LARGE1: variants seen among roughly 807,000 people sequenced by gnomAD.
LARGE1 encodes the protein xylosyl- and glucuronyltransferase LARGE1.
In LARGE1, 43 loss-of-function variants were observed where a neutral mutation model predicts 87.6. The observed-to-expected ratio is 0.49, with a 90% CI of 0.38 to 0.63. LARGE1 has a LOEUF of 0.63. Among genes scored for constraint, LARGE1 ranks in the 30% least tolerant of loss-of-function variants. The probability of loss-of-function intolerance (pLI) is 0.00; values close to 1 mark genes in which losing one functional copy is unlikely to be tolerated. For synonymous variants in LARGE1, 434 were observed against 394.6 expected (o/e 1.10, Z -1.18); for missense variants, 802 against 1,000.2 (o/e 0.80, Z 2.67).
At chr22:33,855,984 C>A (rs2063744418) in intron 1 of LARGE1, among the ~76,000 whole-genome samples, 1 of 152,142 alleles carries the variant, frequency 6.6e-6, no homozygotes, top group Non-Finnish European at 1.5e-5. Context: ...CAAGTCTTGG[C>A]ATCCTGAGAC....
At chr22:33,690,698 G>C (rs534722537) in intron 2 of LARGE1, among the ~76,000 whole-genome samples, 1 of 149,592 alleles carries the variant, frequency 6.7e-6, no homozygotes, top group Non-Finnish European at 1.5e-5. Flanking sequence ...AATGGTAAGA[G>C]AAATCCCGAG....
chr22:33,276,477 T>G (rs184441684), intron 14 of LARGE1, among the ~76,000 whole-genome samples: 9 of 152,344 alleles, frequency 5.9e-5, no homozygotes, highest in Middle Eastern at 3.4e-3. Context: ...TACTATCTGG[T>G]CCTTTACAGA....
chr22:33,363,961 A>G (rs908518508), intron 9 of LARGE1, among the ~76,000 whole-genome samples: 3 of 149,580 alleles, frequency 2.0e-5, no homozygotes, highest in Non-Finnish European at 4.5e-5. Flanking sequence ...GTGCCTGGAC[A>G]TTTCTGTGGA....
the LARGE1 span, chr22:33,105,736 G>A: frequency 2.0e-5 from 3 of 152,224 alleles, no homozygotes; most frequent in Non-Finnish European, 2.9e-5. Context: ...GCCAGGAGCT[G>A]TAAGTGAAAA....
intron 11 of LARGE1, among the ~76,000 whole-genome samples, chr22:33,197,492 T>TA (rs1365512574): frequency 2.6e-5 from 4 of 151,930 alleles, no homozygotes; most frequent in Admixed American, 2.0e-4. Flanking sequence ...CTTCTAGAAA[T>TA]AAAAAAATGG....
the LARGE1 span, among the ~76,000 whole-genome samples, chr22:33,097,242 A>C: frequency 3.2e-3 from 484 of 152,332 alleles, 6 homozygotes; most frequent in Non-Finnish European, 3.9e-3. Flanking sequence ...AAAAGAAAGA[A>C]ACAATAGCAA....
chr22:33,159,986 C>T (rs1921971209), downstream of LARGE1, among the ~76,000 whole-genome samples: 1 of 150,688 alleles, frequency 6.6e-6, no homozygotes, highest in South Asian at 2.1e-4. Context: ...AACTTATGCA[C>T]TTAGCATTTG....
At chr22:33,334,054 G>T (rs1938092437) in intron 10 of LARGE1, among the ~76,000 whole-genome samples, 1 of 151,974 alleles carries the variant, frequency 6.6e-6, no homozygotes, top group South Asian at 2.1e-4. Context: ...ATCTGGGAGG[G>T]AGAGGTTGCC....
intron 6 of LARGE1, among the ~76,000 whole-genome samples, chr22:33,530,253 T>C (rs1422125670): frequency 1.3e-5 from 2 of 152,118 alleles, no homozygotes; most frequent in African/African-American, 2.4e-5. Flanking sequence ...AAAAATCCAA[T>C]GTGCTAAGAA....
chr22:33,258,785 T>C (rs998099971), intron 11 of LARGE1, among the ~76,000 whole-genome samples: 1 of 152,206 alleles, frequency 6.6e-6, no homozygotes, highest in Non-Finnish European at 1.5e-5. Flanking sequence ...TTTACCTCTC[T>C]TGGGGTCTGG....
intron 2 of LARGE1, among the ~76,000 whole-genome samples, chr22:33,746,666 A>G (rs1238644115): frequency 1.3e-5 from 2 of 152,226 alleles, no homozygotes; most frequent in Admixed American, 6.5e-5. Flanking sequence ...CAACATAATA[A>G]ATGATTAACA....
At chr22:33,532,409 T>G (rs1254512866) in intron 6 of LARGE1, among the ~76,000 whole-genome samples, 2 of 152,234 alleles carry the variant, frequency 1.3e-5, no homozygotes, top group African/African-American at 4.8e-5. Flanking sequence ...AATCTCTAGA[T>G]GTGCAAGCCC....
intron 11 of LARGE1, among the ~76,000 whole-genome samples, chr22:33,168,254 G>C (rs1922378932): frequency 6.6e-6 from 1 of 152,174 alleles, no homozygotes; most frequent in Admixed American, 6.6e-5. Context: ...ACTGGCTCTG[G>C]ATCTCAGCGT....
intron 2 of LARGE1, among the ~76,000 whole-genome samples, chr22:33,663,288 T>C (rs1406729753): frequency 6.6e-6 from 1 of 152,202 alleles, no homozygotes; most frequent in Non-Finnish European, 1.5e-5. Flanking sequence ...TTAATACTTA[T>C]TAAGGTCAAA....
rs139946503 is a variant in LARGE1, at chr22:33,656,187, A to G, written c.107-5519T>C. ...AGACATAGCCGAGACTGGGTAATTT[A>G]TAACAAACAAGAGGTTTAATGGACT... is the stretch of plus-strand genomic sequence containing the variant. On this transcript the variant is annotated intron_variant, in intron 2 of 14. Coordinates refer to ENST00000397394, the MANE Select transcript of LARGE1 (RefSeq NM_133642.5). Among the ~76,000 whole-genome samples, 1,195 of 152,328 alleles carry G rather than the reference A, an allele frequency of 7.8e-3. 11 individuals are homozygous for G. Among genetic ancestry groups the G allele is most frequent in the Middle Eastern group, 0.024 (7 of 294 alleles).
chr22:33,659,612 G>A (rs953646638), intron 2 of LARGE1, among the ~76,000 whole-genome samples: 2 of 151,986 alleles, frequency 1.3e-5, no homozygotes, highest in South Asian at 2.1e-4. Flanking sequence ...CTTTTTATGA[G>A]GTACACAGGG....
intron 11 of LARGE1, among the ~76,000 whole-genome samples, chr22:33,209,990 G>T (rs1450576990): frequency 6.6e-6 from 1 of 152,158 alleles, no homozygotes; most frequent in Non-Finnish European, 1.5e-5. Flanking sequence ...TAAAACTACT[G>T]GGGGATTTTT....
At chr22:33,541,710 C>G (rs920426574) in intron 6 of LARGE1, among the ~76,000 whole-genome samples, 3 of 148,022 alleles carry the variant, frequency 2.0e-5, no homozygotes, top group African/African-American at 7.5e-5. Flanking sequence ...CATCGTCTTA[C>G]TGTTCTACAA....
the LARGE1 span, among the ~76,000 whole-genome samples, chr22:33,115,560 G>A: frequency 6.6e-6 from 1 of 152,106 alleles, no homozygotes; most frequent in Admixed American, 6.5e-5. Flanking sequence ...GCTCATGCCT[G>A]TAATCCCAGC....
Sources: gnomAD v4.1 joint callset for allele counts (sites outside exome capture counted in the v4.1 genomes callset) on GRCh38, gnomAD v4.1.1 for gene constraint, MANE v1.5 for transcripts, NCBI Gene and HGNC (gene_info 2026-07-23, HGNC 2026-07-21) for gene names.